MAST2: variants seen among roughly 807,000 people sequenced by gnomAD.
MAST2 encodes microtubule-associated serine/threonine-protein kinase 2.
MAST2 carries 70 observed loss-of-function variants against 147.4 expected under a neutral mutation model. The observed-to-expected ratio is 0.47, with a 90% CI of 0.39 to 0.58. MAST2 has a LOEUF of 0.58. Ranked by LOEUF, MAST2 falls within the 20% of genes least tolerant of loss-of-function variation. The pLI, the probability that MAST2 is intolerant of heterozygous loss-of-function variation, is 0.00. For synonymous variants in MAST2, 869 were observed against 896.8 expected, an observed-to-expected ratio of 0.97 and a Z score of 0.55; for missense variants, 2,080 against 2,302.3, an observed-to-expected ratio of 0.90 and a Z score of 1.98.
chr1:45,926,484 G>C (rs1041224964), intron 4 of MAST2, among the ~76,000 whole-genome samples: 1 of 152,194 alleles, frequency 6.6e-6, no homozygotes, highest in Admixed American at 6.5e-5. Flanking sequence ...GGCAGTGGCA[G>C]CTGGGTGCCC....
intron 5 of MAST2, among the ~76,000 whole-genome samples, chr1:45,993,692 AT>A (rs989945682): frequency 1.6e-4 from 24 of 151,444 alleles, no homozygotes; most frequent in African/African-American, 5.6e-4. Flanking sequence ...TCAAAAAAAA[AT>A]TTTTTTTTGC....
At chr1:45,898,788 C>T (rs1312754522) in intron 4 of MAST2, among the ~76,000 whole-genome samples, 1 of 152,200 alleles carries the variant, frequency 6.6e-6, no homozygotes, top group African/African-American at 2.4e-5. Flanking sequence ...TGTCTAGATT[C>T]AGCTCACCTC....
At chr1:45,912,773 T>C (rs1214240692) in intron 4 of MAST2, among the ~76,000 whole-genome samples, 1 of 152,230 alleles carries the variant, frequency 6.6e-6, no homozygotes, top group African/African-American at 2.4e-5. Context: ...CTCAGATGTC[T>C]TCCTATTTGT....
In MAST2 at chr1:46,010,766, A is replaced by G. The variant is rs1645680560; in HGVS notation, c.1015A>G (p.Ile339Val). The change falls in exon 10 of 29, where the codon ATT (isoleucine) becomes GTT (valine). Residue 339 changes from isoleucine to valine, a missense_variant. Around this residue, in one of 4 missense-constraint regions of MAST2, gnomAD observed 569 missense variants for 642.5 expected, o/e 0.89. Coordinates refer to ENST00000361297, the MANE Select transcript of MAST2 (RefSeq NM_015112.3). ...AQMEERLAEF[I>V]SSNTPDSVLP... ...AATGGAAGAGCGACTAGCAGAGTTT[A>G]TTTCCTCCAACACTCCAGACAGCGT... 1 of 1,613,810 alleles carries G rather than the reference A, an allele frequency of 6.2e-7. No individual in the cohort carries two copies. The highest frequency in any genetic ancestry group is 8.5e-7 in the Non-Finnish European group (1 of 1,179,996).
At chr1:45,926,419 A>T (rs1025052293) in intron 4 of MAST2, among the ~76,000 whole-genome samples, 4 of 137,850 alleles carry the variant, frequency 2.9e-5, no homozygotes, top group African/African-American at 1.1e-4. Context: ...TTTCCCTTGG[A>T]TATATTGCCT....
intron 3 of MAST2, among the ~76,000 whole-genome samples, chr1:45,874,073 G>A (rs1448306905): frequency 6.6e-6 from 1 of 151,828 alleles, no homozygotes; most frequent in Non-Finnish European, 1.5e-5. Flanking sequence ...CTCTCGCCTC[G>A]GCATCCCAAA....
chr1:45,846,198 T>C (rs1645429949), intron 3 of MAST2, among the ~76,000 whole-genome samples: 1 of 152,166 alleles, frequency 6.6e-6, no homozygotes, highest in African/African-American at 2.4e-5. Flanking sequence ...AAATTTTTTA[T>C]CACATTTTCC....
At chr1:45,966,273 A>G (rs908758594) in intron 5 of MAST2, among the ~76,000 whole-genome samples, 3 of 152,164 alleles carry the variant, frequency 2.0e-5, no homozygotes, top group African/African-American at 7.2e-5. Flanking sequence ...ACTGAAGGGC[A>G]TCTTGGTTGC....
intron 3 of MAST2, among the ~76,000 whole-genome samples, chr1:45,845,104 A>G (rs1201970014): frequency 6.6e-6 from 1 of 152,154 alleles, no homozygotes; most frequent in Non-Finnish European, 1.5e-5. Flanking sequence ...CAGCACATGG[A>G]TTTTGGGGAA....
chr1:45,830,306 C>G (rs986977504), intron 3 of MAST2, among the ~76,000 whole-genome samples: 2 of 149,438 alleles, frequency 1.3e-5, no homozygotes, highest in Admixed American at 6.8e-5. Context: ...TCCCAAGTAG[C>G]TGGGATTACA....
intron 4 of MAST2, among the ~76,000 whole-genome samples, chr1:45,894,267 A>C (rs555351686): frequency 1.2e-4 from 18 of 152,196 alleles, no homozygotes; most frequent in African/African-American, 3.9e-4. Context: ...TATTTTCTAC[A>C]CGTAGGATCT....
chr1:46,025,887 A>T, intron 16 of MAST2, 72 bp downstream of exon 16: 1 of 1,587,262 alleles, frequency 6.3e-7, no homozygotes, highest in Non-Finnish European at 8.6e-7. Flanking sequence ...TGGCAAGCAC[A>T]GTAGCTCTAA....
At chr1:45,912,883 T>C (rs1396647933) in intron 4 of MAST2, among the ~76,000 whole-genome samples, 1 of 152,230 alleles carries the variant, frequency 6.6e-6, no homozygotes, top group Non-Finnish European at 1.5e-5. Context: ...TGCTAGGCAC[T>C]TTGCTGTTTA....
At chr1:45,870,785 C>T (rs1203401416) in intron 3 of MAST2, among the ~76,000 whole-genome samples, 2 of 151,508 alleles carry the variant, frequency 1.3e-5, no homozygotes, top group Non-Finnish European at 2.9e-5. Context: ...TTTAAGTAGC[C>T]AGGCGTGGCG....
chr1:45,896,044 T>A, intron 4 of MAST2, among the ~76,000 whole-genome samples: 1 of 86 alleles, frequency 0.012, no homozygotes, highest in Non-Finnish European at 0.023. Context: ...TTTCTTAGAT[T>A]TTTTTTTTTT....
intron 3 of MAST2, among the ~76,000 whole-genome samples, chr1:45,856,577 C>T (rs959629960): frequency 2.6e-5 from 4 of 152,042 alleles, no homozygotes; most frequent in African/African-American, 9.7e-5. Context: ...TGTTACATGT[C>T]GTTTGGTTTG....
intron 3 of MAST2, among the ~76,000 whole-genome samples, chr1:45,872,502 C>T (rs1366043067): frequency 1.3e-4 from 19 of 142,814 alleles, no homozygotes; most frequent in African/African-American, 4.2e-4. Flanking sequence ...TTTTTTGAGA[C>T]GGAGTTTTGC....
intron 5 of MAST2, among the ~76,000 whole-genome samples, chr1:45,961,122 C>T (rs1041044700): frequency 1.3e-5 from 2 of 152,066 alleles, no homozygotes; most frequent in Non-Finnish European, 2.9e-5. Flanking sequence ...ATCAGTAAAT[C>T]TCTCAATCAC....
chr1:46,030,475 A>G (rs1646603519), intron 21 of MAST2, 132 bp from the exon 22 acceptor site: 2 of 1,094,078 alleles, frequency 1.8e-6, no homozygotes, highest in Non-Finnish European at 2.6e-6. Flanking sequence ...CCAAATATTC[A>G]GCAGGGGTGT....
Sources: gnomAD v4.1 joint callset for allele counts (sites outside exome capture counted in the v4.1 genomes callset) on GRCh38, gnomAD v4.1.1 for gene constraint, gnomAD v4.1.1 regional missense constraint, MANE v1.5 for transcripts, NCBI Gene and HGNC (gene_info 2026-07-23, HGNC 2026-07-21) for gene names.